The following ACVR1C variants were observed in gnomAD, a reference collection of about 807,000 sequenced individuals.
ACVR1C encodes the protein activin A receptor type 1C.
ACVR1C carries 23 observed loss-of-function variants against 57.9 expected under a neutral mutation model. The observed-to-expected ratio is 0.40, with a 90% confidence interval of 0.29 to 0.56. The LOEUF (loss-of-function observed/expected upper bound fraction) is 0.56. ACVR1C is among the 20% of genes least tolerant of loss of function. The pLI is 0.50. For synonymous variants in ACVR1C, 214 were observed against 215.3 expected (o/e 0.99, Z 0.05); for missense variants, 480 against 607.9 (o/e 0.79, Z 2.21).
chr2:157,560,475 C>T (rs979528399), intron 2 of ACVR1C, among the ~76,000 whole-genome samples: 4 of 152,134 alleles, frequency 2.6e-5, no homozygotes, highest in Admixed American at 1.3e-4. Flanking sequence ...CTAGAGGTTA[C>T]GCACATACTC....
At chr2:157,615,186 G>A (rs542834308) in intron 1 of ACVR1C, among the ~76,000 whole-genome samples, 4 of 152,052 alleles carry the variant, frequency 2.6e-5, no homozygotes, top group South Asian at 2.1e-4. Flanking sequence ...TGCCCTTGCA[G>A]CTGGGCACAG....
chr2:157,580,684 A>C (rs761184949), intron 2 of ACVR1C, among the ~76,000 whole-genome samples: 7 of 152,090 alleles, frequency 4.6e-5, no homozygotes, highest in Non-Finnish European at 1.0e-4. Flanking sequence ...ACAAATCCAG[A>C]GAGGGGATTG....
intron 1 of ACVR1C, among the ~76,000 whole-genome samples, chr2:157,595,123 C>T (rs1436247333): frequency 6.6e-6 from 1 of 152,232 alleles, no homozygotes. Flanking sequence ...ATTAATCAAC[C>T]ATAAAGGGAT....
At chr2:157,577,773 T>C (rs943846987) in intron 2 of ACVR1C, among the ~76,000 whole-genome samples, 19 of 152,308 alleles carry the variant, frequency 1.2e-4, no homozygotes, top group Middle Eastern at 3.4e-3. Context: ...TTATTACTGA[T>C]ATATTTGGGT....
At position 157,527,919 on chromosome 2, in the gene ACVR1C, T is replaced by C. The variant is rs1687266260; in HGVS notation, c.*5999A>G. The C allele has an allele frequency of 6.6e-6, 1 of 152,184 alleles. No homozygotes were observed. 9.4% of individuals were successfully genotyped at this position (152,184 alleles called of 1,614,324 possible). ...TGGACGATATCAAAATTGGGGTCCA[T>C]GTGCCTTGCTGCAGATTGTCTGGGT... On this transcript the variant is annotated 3_prime_UTR_variant, in exon 9 of 9. Transcript: ENST00000243349.
chr2:157,552,856 T>A (rs886396133), intron 3 of ACVR1C, among the ~76,000 whole-genome samples: 1 of 152,228 alleles, frequency 6.6e-6, no homozygotes, highest in African/African-American at 2.4e-5. Context: ...TGAAGATACA[T>A]GGATTTTTGC....
intron 2 of ACVR1C, among the ~76,000 whole-genome samples, chr2:157,572,527 A>G (rs1332592920): frequency 6.6e-6 from 1 of 152,116 alleles, no homozygotes; most frequent in Admixed American, 6.5e-5. Context: ...AATGTCCTAT[A>G]CGTAATAATC....
At chr2:157,624,749 T>C (rs1490743086) in intron 1 of ACVR1C, among the ~76,000 whole-genome samples, 1 of 152,134 alleles carries the variant, frequency 6.6e-6, no homozygotes, top group Non-Finnish European at 1.5e-5. Context: ...GACTAGAAAA[T>C]AGGTCTTCAC....
intron 8 of ACVR1C, among the ~76,000 whole-genome samples, chr2:157,535,145 A>C (rs1687451721): frequency 2.8e-4 from 1 of 3,554 alleles, no homozygotes; most frequent in Non-Finnish European, 7.4e-4. Context: ...ACTCTGTCCA[A>C]AAAAAAAAAA....
chr2:157,548,940 G>C (rs989484935), intron 4 of ACVR1C, among the ~76,000 whole-genome samples: 1 of 152,208 alleles, frequency 6.6e-6, no homozygotes, highest in Admixed American at 6.5e-5. Flanking sequence ...GATGAAGGCT[G>C]TCATACGGAT....
intron 1 of ACVR1C, among the ~76,000 whole-genome samples, chr2:157,612,221 A>G (rs1271262530): frequency 2.6e-5 from 4 of 152,106 alleles, no homozygotes; most frequent in Admixed American, 2.6e-4. Context: ...AGTGACTGCA[A>G]TGTTTTGGGG....
intron 4 of ACVR1C, among the ~76,000 whole-genome samples, chr2:157,546,727 A>C (rs1030867271): frequency 6.6e-6 from 1 of 152,222 alleles, no homozygotes; most frequent in East Asian, 1.9e-4. Context: ...AAAAGAGAAA[A>C]AGCATAGATA....
chr2:157,587,111 C>T, intron 2 of ACVR1C, 76 bp downstream of exon 2: 2 of 1,267,998 alleles, frequency 1.6e-6, no homozygotes, highest in East Asian at 4.7e-5. Flanking sequence ...AAACATAAGA[C>T]AGTTTGATTC....
intron 2 of ACVR1C, among the ~76,000 whole-genome samples, chr2:157,573,106 C>G (rs1408278506): frequency 6.6e-6 from 1 of 152,262 alleles, no homozygotes; most frequent in South Asian, 2.1e-4. Flanking sequence ...GTCTGCAATT[C>G]TTGTAATTAC....
At chr2:157,599,960 T>C (rs1217247274) in intron 1 of ACVR1C, among the ~76,000 whole-genome samples, 1 of 152,212 alleles carries the variant, frequency 6.6e-6, no homozygotes, top group African/African-American at 2.4e-5. Flanking sequence ...TGTGTTCAAC[T>C]GATCTGTTTA....
intron 2 of ACVR1C, among the ~76,000 whole-genome samples, chr2:157,557,047 C>T (rs1201318288): frequency 6.6e-6 from 1 of 152,000 alleles, no homozygotes; most frequent in Non-Finnish European, 1.5e-5. Flanking sequence ...GCTGCTATTC[C>T]AGGTACTGGA....
At chr2:157,552,026 T>C (rs1033595243) in intron 3 of ACVR1C, among the ~76,000 whole-genome samples, 1 of 152,252 alleles carries the variant, frequency 6.6e-6, no homozygotes, top group Non-Finnish European at 1.5e-5. Context: ...CCCAGGATTA[T>C]GCTGCTAGTG....
chr2:157,556,742 T>C (rs1688111805), intron 2 of ACVR1C, among the ~76,000 whole-genome samples: 1 of 148,352 alleles, frequency 6.7e-6, no homozygotes, highest in African/African-American at 2.5e-5. Context: ...GGGCTCACTG[T>C]AACCTCCACC....
At chr2:157,566,364 TGGCCGA>T (rs1688377498) in intron 2 of ACVR1C, among the ~76,000 whole-genome samples, 1 of 152,208 alleles carries the variant, frequency 6.6e-6, no homozygotes, top group Non-Finnish European at 1.5e-5. Flanking sequence ...GGAGCCAAGA[TGGCCGA>T]ATAGGAACAG....
Sources: allele counts gnomAD v4.1 joint callset (sites outside exome capture counted in the v4.1 genomes callset), GRCh38; gene constraint gnomAD v4.1.1; transcripts MANE v1.5; gene names NCBI Gene and HGNC (gene_info 2026-07-23, HGNC 2026-07-21).